The following ARHGEF3 variants were observed in gnomAD, a reference collection of about 807,000 sequenced individuals.
ARHGEF3 encodes 59.8 kDA protein.
In ARHGEF3, 28 loss-of-function variants were observed where a neutral mutation model predicts 63.2. The ratio of observed to expected loss-of-function variants is 0.44; its 90% CI spans 0.33 to 0.61. The LOEUF is 0.61. Ranked by LOEUF, ARHGEF3 falls within the 20% of genes least tolerant of loss-of-function variation. The pLI is 0.03. For missense variants in ARHGEF3, 533 were observed against 659.3 expected (o/e 0.81, Z 2.10); for synonymous variants, 266 against 254.2 (o/e 1.05, Z -0.44).
chr3:57,054,897 C>T (rs533462484), intron 1 of ARHGEF3, among the ~76,000 whole-genome samples: 168 of 151,938 alleles, frequency 1.1e-3, no homozygotes, highest in East Asian at 4.0e-3. Flanking sequence ...GATCTGCCCA[C>T]CCTGGCCTCC....
chr3:56,944,615 T>C (rs1050333224), intron 3 of ARHGEF3, among the ~76,000 whole-genome samples: 3 of 147,458 alleles, frequency 2.0e-5, no homozygotes, highest in Non-Finnish European at 3.0e-5. Flanking sequence ...CTTACTTTTT[T>C]GCTCAGGCTG....
At chr3:57,074,377 C>A in intron 1 of ARHGEF3, 1 of 923,006 alleles carries the variant, frequency 1.1e-6, no homozygotes, top group South Asian at 1.6e-5. Flanking sequence ...GACTCGTAGC[C>A]ATCCCTTTCT....
chr3:56,752,546 G>A (rs1486993320), intron 4 of ARHGEF3, among the ~76,000 whole-genome samples: 2 of 152,142 alleles, frequency 1.3e-5, no homozygotes, highest in Non-Finnish European at 2.9e-5. Context: ...GATTTGAGCT[G>A]GTTCCTGAAG....
chr3:56,993,144 C>T (rs1701830765), intron 2 of ARHGEF3, among the ~76,000 whole-genome samples: 1 of 152,078 alleles, frequency 6.6e-6, no homozygotes, highest in Admixed American at 6.5e-5. Context: ...CTCAAGGAAG[C>T]TTTTTAAATT....
intron 3 of ARHGEF3, among the ~76,000 whole-genome samples, chr3:56,919,113 G>C (rs2042059566): frequency 6.6e-6 from 1 of 152,220 alleles, no homozygotes; most frequent in African/African-American, 2.4e-5. Context: ...TCTTAGGTCA[G>C]TTCCAGCTTT....
chr3:56,801,009 C>T (rs1196483526), intron 1 of ARHGEF3, among the ~76,000 whole-genome samples: 1 of 152,208 alleles, frequency 6.6e-6, no homozygotes, highest in Non-Finnish European at 1.5e-5. Flanking sequence ...TCACATCGCC[C>T]GCAAGGCACA....
At chr3:56,755,268 T>C (rs1466817429) in intron 2 of ARHGEF3, 117 bp from the exon 3 acceptor site, 22 of 1,176,438 alleles carry the variant, frequency 1.9e-5, no homozygotes, top group Non-Finnish European at 2.5e-5. Context: ...AAAGAGGACA[T>C]TGCCACAAGG....
At chr3:56,860,508 G>A (rs2040037167) in intron 4 of ARHGEF3, among the ~76,000 whole-genome samples, 2 of 152,110 alleles carry the variant, frequency 1.3e-5, no homozygotes, top group Admixed American at 1.3e-4. Context: ...AACCACTACT[G>A]TCATTTTACA....
At chr3:56,810,495 C>T (rs914529607) in intron 4 of ARHGEF3, among the ~76,000 whole-genome samples, 2 of 151,918 alleles carry the variant, frequency 1.3e-5, no homozygotes, top group Non-Finnish European at 2.9e-5. Flanking sequence ...CCACTGCACT[C>T]CGGCCTGGGT....
At chr3:56,990,018 C>T (rs910823514) in intron 2 of ARHGEF3, among the ~76,000 whole-genome samples, 1 of 152,228 alleles carries the variant, frequency 6.6e-6, no homozygotes, top group Admixed American at 6.5e-5. Flanking sequence ...TTATTTAAAA[C>T]AATGACGCTA....
intron 4 of ARHGEF3, among the ~76,000 whole-genome samples, chr3:56,819,491 C>A (rs2038389226): frequency 6.6e-6 from 1 of 151,560 alleles, no homozygotes; most frequent in African/African-American, 2.4e-5. Context: ...ACTTAATTAA[C>A]CATGTTCTAC....
intron 1 of ARHGEF3, among the ~76,000 whole-genome samples, chr3:57,070,831 G>T (rs1215532630): frequency 6.6e-6 from 1 of 151,898 alleles, no homozygotes; most frequent in Non-Finnish European, 1.5e-5. Context: ...AATTAGCTGG[G>T]TATGGTTGCA....
At chr3:56,936,261 C>A (rs1435089739) in intron 3 of ARHGEF3, among the ~76,000 whole-genome samples, 1 of 152,048 alleles carries the variant, frequency 6.6e-6, no homozygotes, top group Non-Finnish European at 1.5e-5. Flanking sequence ...GGGAGCAGAA[C>A]CTATAGGTCA....
chr3:56,899,162 C>T (rs1444767218), intron 3 of ARHGEF3, among the ~76,000 whole-genome samples: 1 of 152,180 alleles, frequency 6.6e-6, no homozygotes, highest in African/African-American at 2.4e-5. Flanking sequence ...GAAAGGGGCT[C>T]CTCAGGATGT....
At position 56,733,984 on chromosome 3, in the gene ARHGEF3, CAAAAA is replaced by C. The variant is rs777924213; in HGVS notation, c.1042-1565_1042-1561del. On this transcript the variant is annotated intron_variant, in intron 8 of 9. Transcript: ENST00000296315. ...GGGCGACAAAAGCAAAATTCTGTCT[CAAAAA>C]AAAAAAAAAAAAAAAAAAAAGATGA... is the stretch of plus-strand genomic sequence containing the variant. Among the ~76,000 whole-genome samples, 35 of 55,086 alleles carry C rather than the reference CAAAAA, an allele frequency of 6.4e-4. 1 individual carries two copies. The highest frequency in any genetic ancestry group is 3.4e-3 in the South Asian group (5 of 1,464). The allele number at this position is 55,086 out of a possible 152,430, so 36.1% of individuals were successfully genotyped here. A position where few individuals can be genotyped will look rare whatever the true frequency, so the allele number is the denominator to read the frequency against.
chr3:56,902,386 G>T (rs2041540060), intron 3 of ARHGEF3, among the ~76,000 whole-genome samples: 1 of 152,158 alleles, frequency 6.6e-6, no homozygotes, highest in South Asian at 2.1e-4. Context: ...GAAAAGAAAT[G>T]CATGAAATGA....
At chr3:56,783,305 C>G (rs535394242) in intron 1 of ARHGEF3, among the ~76,000 whole-genome samples, 13 of 152,272 alleles carry the variant, frequency 8.5e-5, no homozygotes, top group Middle Eastern at 6.8e-3. Context: ...AATACTATAG[C>G]TCTCTAGTGT....
At chr3:56,788,854 G>A (rs537076125) in intron 1 of ARHGEF3, among the ~76,000 whole-genome samples, 3 of 152,228 alleles carry the variant, frequency 2.0e-5, no homozygotes, top group African/African-American at 7.2e-5. Flanking sequence ...AAATGAATGT[G>A]AAGCTTGCCA....
At chr3:56,843,561 C>A (rs549444168) in intron 4 of ARHGEF3, among the ~76,000 whole-genome samples, 1 of 152,282 alleles carries the variant, frequency 6.6e-6, no homozygotes, top group South Asian at 2.1e-4. Flanking sequence ...GCCACCATGC[C>A]CAGCCCAAAT....
Sources: allele counts gnomAD v4.1 joint callset (sites outside exome capture counted in the v4.1 genomes callset), GRCh38; gene constraint gnomAD v4.1.1; transcripts MANE v1.5; gene names NCBI Gene and HGNC (gene_info 2026-07-23, HGNC 2026-07-21).